The following BAZ2B variants were observed in gnomAD, a reference collection of about 807,000 sequenced individuals.
The protein encoded by BAZ2B is bromodomain adjacent to zinc finger domain 2B.
Under a neutral mutation model 246.0 loss-of-function variants are expected in BAZ2B, and 91 were observed. The ratio of observed to expected loss-of-function variants is 0.37; its 90% CI spans 0.31 to 0.44. BAZ2B has a LOEUF of 0.44. Ranked by LOEUF, BAZ2B falls within the 20% of genes least tolerant of loss-of-function variation. The pLI is 1.00. For missense variants in BAZ2B, 2,332 were observed against 2,533.7 expected (o/e 0.92, Z 1.71); for synonymous variants, 855 against 860.0 (o/e 0.99, Z 0.10).
At chr2:159,604,003 T>C (rs1692800712) in intron 1 of BAZ2B, among the ~76,000 whole-genome samples, 1 of 152,212 alleles carries the variant, frequency 6.6e-6, no homozygotes, top group Admixed American at 6.5e-5. Context: ...TTTGAACATT[T>C]GAAATTTTTA....
intron 2 of BAZ2B, among the ~76,000 whole-genome samples, chr2:159,536,052 T>C (rs2085942523): frequency 6.6e-6 from 1 of 152,228 alleles, no homozygotes; most frequent in Non-Finnish European, 1.5e-5. Flanking sequence ...TATACAGATT[T>C]GCTGAACACA....
At chr2:159,457,803 C>G (rs1342196770) in intron 3 of BAZ2B, among the ~76,000 whole-genome samples, 1 of 152,142 alleles carries the variant, frequency 6.6e-6, no homozygotes. Context: ...CAATACCTCT[C>G]CTGTGTTAAC....
intron 1 of BAZ2B, among the ~76,000 whole-genome samples, chr2:159,590,133 G>C (rs371068014): frequency 7.2e-6 from 1 of 139,680 alleles, no homozygotes; most frequent in Non-Finnish European, 1.5e-5. Context: ...GCTGCAGTGA[G>C]CCAAGATCAT....
At chr2:159,497,212 C>T (rs2151073979) in intron 2 of BAZ2B, among the ~76,000 whole-genome samples, 1 of 152,278 alleles carries the variant, frequency 6.6e-6, no homozygotes, top group African/African-American at 2.4e-5. Context: ...AAAGGAGATG[C>T]AAACACAAAG....
At chr2:159,633,176 T>G in the BAZ2B span, among the ~76,000 whole-genome samples, 1 of 150,754 alleles carries the variant, frequency 6.6e-6, no homozygotes, top group African/African-American at 2.4e-5. Context: ...TTAGACAAGG[T>G]CTCACTCTCC....
intron 2 of BAZ2B, among the ~76,000 whole-genome samples, chr2:159,505,063 CTT>C (rs1457023739): frequency 1.3e-5 from 2 of 152,058 alleles, no homozygotes; most frequent in African/African-American, 2.4e-5. Context: ...ATGAAAATGA[CTT>C]ATGCAATATC....
At chr2:159,616,059 G>C (rs2151844370) in intron 1 of BAZ2B, 183 bp downstream of exon 1, 1 of 151,918 alleles carries the variant, frequency 6.6e-6, no homozygotes, top group Non-Finnish European at 1.5e-5. Context: ...GAGCCGCACC[G>C]ACCGGCGAGG....
chr2:159,531,125 GT>G (rs544647134), intron 2 of BAZ2B, among the ~76,000 whole-genome samples: 109 of 152,182 alleles, frequency 7.2e-4, no homozygotes, highest in African/African-American at 2.4e-3. Flanking sequence ...TGGGTATTAT[GT>G]TTTATTTAAA....
intron 13 of BAZ2B, among the ~76,000 whole-genome samples, chr2:159,423,531 G>A (rs966046593): frequency 6.6e-6 from 1 of 152,012 alleles, no homozygotes; most frequent in Non-Finnish European, 1.5e-5. Context: ...TATACCCAAA[G>A]GAAAATAAAT....
chr2:159,435,155 G>A (rs949824750), intron 8 of BAZ2B: 6 of 151,756 alleles, frequency 4.0e-5, no homozygotes, highest in African/African-American at 1.5e-4. Flanking sequence ...TTTCACAAGT[G>A]TAAATGCTGA....
Position 159,350,046 on chromosome 2 carries a change from C to T in BAZ2B, c.4525G>A (p.Gly1509Ser). 6.2e-7 allele frequency: 1 copy of T among 1,614,100 alleles called. No individual in the cohort carries two copies. The highest frequency in any genetic ancestry group is 1.1e-5 in the South Asian group (1 of 91,070). Residue 1509 changes from glycine (G) to serine (S), a missense_variant, in exon 28 of 37, where the codon GGC (glycine) becomes AGC (serine). Gly to Ser is a moderately conservative substitution (Grantham distance 56). Coordinates refer to ENST00000392783, the MANE Select transcript of BAZ2B (RefSeq NM_013450.4). ...SYQNSGKHSL[G>S]SVQSTATQSN... Reference sequence around the variant, plus strand: ...TGCGTTGCTGTTGACTGAACGCTGCCCAGTGAATGTTTTCCACTGTTCTGA... The same window carrying T: ...TGCGTTGCTGTTGACTGAACGCTGCTCAGTGAATGTTTTCCACTGTTCTGA...
chr2:159,662,529 G>A, the BAZ2B span, among the ~76,000 whole-genome samples: 5 of 151,836 alleles, frequency 3.3e-5, no homozygotes, highest in African/African-American at 4.8e-5. Flanking sequence ...TGTTTGTTTC[G>A]CTTTGTTTTG....
chr2:159,445,504 CAG>C (rs1381171086), intron 6 of BAZ2B, among the ~76,000 whole-genome samples: 1 of 152,120 alleles, frequency 6.6e-6, no homozygotes, highest in African/African-American at 2.4e-5. Flanking sequence ...CACTGGATGG[CAG>C]AGAAACTCAA....
intron 3 of BAZ2B, among the ~76,000 whole-genome samples, chr2:159,466,735 G>A (rs2077104166): frequency 6.6e-6 from 1 of 151,282 alleles, no homozygotes; most frequent in Admixed American, 6.6e-5. Context: ...CCGAAGGGCT[G>A]ATGGTGTTAA....
intron 2 of BAZ2B, among the ~76,000 whole-genome samples, chr2:159,495,971 G>A (rs62173240): frequency 0.077 from 11,639 of 150,972 alleles, 929 homozygotes; most frequent in African/African-American, 0.21. Context: ...GGGGTTTCAC[G>A]TGTTAGCCAG....
intron 4 of BAZ2B, among the ~76,000 whole-genome samples, chr2:159,450,928 T>A (rs1434587371): frequency 6.6e-6 from 1 of 151,978 alleles, no homozygotes; most frequent in East Asian, 1.9e-4. Context: ...TTGGTAGAGA[T>A]GAGGTTTGGC....
At chr2:159,528,280 T>C (rs925254402) in intron 2 of BAZ2B, among the ~76,000 whole-genome samples, 3 of 152,020 alleles carry the variant, frequency 2.0e-5, no homozygotes, top group African/African-American at 7.3e-5. Context: ...TGAGACATGA[T>C]GCAAATCTAC....
At chr2:159,626,832 G>A in the BAZ2B span, among the ~76,000 whole-genome samples, 1 of 152,088 alleles carries the variant, frequency 6.6e-6, no homozygotes, top group Admixed American at 6.6e-5. Flanking sequence ...CAGAACCAAA[G>A]GAGATAGAGA....
At chr2:159,644,764 G>A in the BAZ2B span, among the ~76,000 whole-genome samples, 5 of 152,212 alleles carry the variant, frequency 3.3e-5, no homozygotes, top group South Asian at 6.2e-4. Flanking sequence ...CCCAGGAGGC[G>A]CACCCACTAT....
Sources: allele counts gnomAD v4.1 joint callset (sites outside exome capture counted in the v4.1 genomes callset), GRCh38; gene constraint gnomAD v4.1.1; transcripts MANE v1.5; gene names NCBI Gene and HGNC (gene_info 2026-07-23, HGNC 2026-07-21).